The following AIM2 variants were observed in gnomAD, a reference collection of about 807,000 sequenced individuals.
The protein encoded by AIM2 is interferon-inducible protein AIM2.
In AIM2, 30 loss-of-function variants were observed where a neutral mutation model predicts 27.7. The observed-to-expected ratio is 1.08, with a 90% confidence interval of 0.81 to 1.47. The LOEUF is 1.47. Ranked by LOEUF, AIM2 falls within the 40% of genes most tolerant of loss-of-function variation. The pLI, the probability that AIM2 is intolerant of heterozygous loss-of-function variation, is 0.00. For missense variants in AIM2, 358 were observed against 411.3 expected, an observed-to-expected ratio of 0.87 and a Z score of 1.12; for synonymous variants, 141 against 145.3, an observed-to-expected ratio of 0.97 and a Z score of 0.21.
chr1:159,107,851 C>CTCCT (rs1250473462), intron 1 of AIM2, among the ~76,000 whole-genome samples: 1 of 152,092 alleles, frequency 6.6e-6, no homozygotes. Context: ...TAGATTAAAT[C>CTCCT]AGGAACAATT....
intron 1 of AIM2, among the ~76,000 whole-genome samples, chr1:159,105,082 T>A (rs996107558): frequency 1.3e-5 from 2 of 152,186 alleles, no homozygotes; most frequent in African/African-American, 4.8e-5. Flanking sequence ...CCAGATCCCA[T>A]GCCTGCCAAG....
chr1:159,146,860 C>A (rs1237492433), intron 1 of AIM2: 1 of 152,170 alleles, frequency 6.6e-6, no homozygotes, highest in Non-Finnish European at 1.5e-5. Context: ...CCTTCTTTTT[C>A]TTTTCACCAG....
upstream of AIM2, among the ~76,000 whole-genome samples, chr1:159,077,745 A>G (rs1401890228): frequency 3.9e-5 from 6 of 152,058 alleles, no homozygotes. Context: ...CAGGCTCCTA[A>G]CCCTAAATTC....
At chr1:159,112,150 G>C (rs1199058060) in intron 1 of AIM2, among the ~76,000 whole-genome samples, 1 of 152,052 alleles carries the variant, frequency 6.6e-6, no homozygotes, top group Non-Finnish European at 1.5e-5. Context: ...TGTCAGACTG[G>C]AATAAGACAT....
chr1:159,077,962 G>A (rs1247459415), upstream of AIM2, among the ~76,000 whole-genome samples: 1 of 152,226 alleles, frequency 6.6e-6, no homozygotes, highest in Non-Finnish European at 1.5e-5. Flanking sequence ...AGGACATGAT[G>A]ATAAGTGTTA....
chr1:159,072,784 T>C (rs911031153), intron 2 of AIM2, among the ~76,000 whole-genome samples: 9 of 152,118 alleles, frequency 5.9e-5, no homozygotes, highest in African/African-American at 2.2e-4. Context: ...AGGAGAGGAA[T>C]AGACAGACTG....
intron 1 of AIM2, among the ~76,000 whole-genome samples, chr1:159,106,568 G>A (rs1657452098): frequency 6.6e-6 from 1 of 152,214 alleles, no homozygotes; most frequent in Non-Finnish European, 1.5e-5. Context: ...AGATCTGGGT[G>A]GAAAATGACT....
At chr1:159,074,142 A>ACACT (rs1218706698) in intron 1 of AIM2, among the ~76,000 whole-genome samples, 1 of 152,240 alleles carries the variant, frequency 6.6e-6, no homozygotes, top group Non-Finnish European at 1.5e-5. Flanking sequence ...CACGGTGCAT[A>ACACT]CACTGGAAGT....
intron 2 of AIM2, among the ~76,000 whole-genome samples, chr1:159,071,136 T>A (rs1272601731): frequency 6.6e-6 from 1 of 152,264 alleles, no homozygotes; most frequent in Non-Finnish European, 1.5e-5. Flanking sequence ...TCTACGCTTA[T>A]GTGTCCTTAT....
At chr1:159,126,627 T>C (rs759133286) in intron 1 of AIM2, among the ~76,000 whole-genome samples, 13 of 128,838 alleles carry the variant, frequency 1.0e-4, no homozygotes, top group Non-Finnish European at 1.4e-4. Flanking sequence ...CCAGCCTGGG[T>C]GACAGAGCGA....
At chr1:159,093,183 C>T (rs76576833) in intron 1 of AIM2, among the ~76,000 whole-genome samples, 8,606 of 152,020 alleles carry the variant, frequency 0.057, 559 homozygotes, top group East Asian at 0.31. Flanking sequence ...CACAAACACA[C>T]GCAACTTCAT....
intron 2 of AIM2, among the ~76,000 whole-genome samples, chr1:159,068,982 T>C (rs1275737490): frequency 6.6e-6 from 1 of 151,884 alleles, no homozygotes; most frequent in African/African-American, 2.4e-5. Flanking sequence ...TTACAAAAAA[T>C]ATTTTCAAAA....
rs1647651725 is a variant in AIM2 at position 159,125,106 on chromosome 1, G to A, written c.-16+15325C>T. ...TGCTGCCAAGCCTGACTGCTTCTCT[G>A]AGACAAGTATCAGAGCCAGAGTATG... is the stretch of plus-strand genomic sequence containing the variant. On this transcript the variant is annotated intron_variant, in intron 1 of 2. Coordinates refer to the AIM2 transcript ENST00000368129. Among the ~76,000 whole-genome samples, 4 of 152,314 alleles carry A rather than the reference G, an allele frequency of 2.6e-5. No homozygotes were observed. The South Asian group carries it at 8.3e-4, about 32-fold the overall frequency.
chr1:159,129,204 G>A (rs975717959), intron 1 of AIM2, among the ~76,000 whole-genome samples: 2 of 152,194 alleles, frequency 1.3e-5, no homozygotes, highest in Non-Finnish European at 2.9e-5. Context: ...GAGTTTGGAA[G>A]TATGCAGACC....
chr1:159,126,263 G>A (rs1647683370), intron 1 of AIM2, among the ~76,000 whole-genome samples: 1 of 152,172 alleles, frequency 6.6e-6, no homozygotes, highest in Admixed American at 6.5e-5. Flanking sequence ...TTCCTGCACT[G>A]TGGCCACTGC....
chr1:159,102,174 A>G (rs1291666146), intron 1 of AIM2, among the ~76,000 whole-genome samples: 2 of 152,198 alleles, frequency 1.3e-5, no homozygotes, highest in African/African-American at 4.8e-5. Flanking sequence ...AAAAGGGGCC[A>G]TTGTACAGCT....
chr1:159,110,955 G>A (rs1271047872), intron 1 of AIM2, among the ~76,000 whole-genome samples: 1 of 152,022 alleles, frequency 6.6e-6, no homozygotes, highest in Non-Finnish European at 1.5e-5. Context: ...TACCATCTAG[G>A]GAATTATACT....
At chr1:159,107,978 A>C (rs969648836) in intron 1 of AIM2, among the ~76,000 whole-genome samples, 36 of 152,336 alleles carry the variant, frequency 2.4e-4, no homozygotes, top group Non-Finnish European at 4.1e-4. Flanking sequence ...AGACATTCAA[A>C]GAAAATTTGG....
At chr1:159,075,660 T>A (rs2101991898) in intron 1 of AIM2, among the ~76,000 whole-genome samples, 1 of 151,972 alleles carries the variant, frequency 6.6e-6, no homozygotes, top group Non-Finnish European at 1.5e-5. Context: ...GCTTTTGGAA[T>A]ACATGGAGAA....
Sources: allele counts gnomAD v4.1 joint callset (sites outside exome capture counted in the v4.1 genomes callset), GRCh38; gene constraint gnomAD v4.1.1; transcripts MANE v1.5; gene names NCBI Gene and HGNC (gene_info 2026-07-23, HGNC 2026-07-21).